The following SEMA3A variants were observed in gnomAD, a reference collection of about 807,000 sequenced individuals.
SEMA3A encodes the protein semaphorin-3A.
Under a neutral mutation model 97.9 loss-of-function variants are expected in SEMA3A, and 29 were observed. That is an observed-to-expected ratio of 0.30 (90% confidence interval 0.22 to 0.40). The LOEUF (loss-of-function observed/expected upper bound fraction) is 0.40. SEMA3A is among the 10% of genes least tolerant of loss of function. The probability of loss-of-function intolerance (pLI) is 1.00; values close to 1 mark genes in which losing one functional copy is unlikely to be tolerated. For synonymous variants in SEMA3A, 321 were observed against 323.7 expected, an observed-to-expected ratio of 0.99 and a Z score of 0.09; for missense variants, 763 against 951.3, an observed-to-expected ratio of 0.80 and a Z score of 2.60.
intron 6 of SEMA3A, among the ~76,000 whole-genome samples, chr7:84,033,978 TG>T (rs1463173933): frequency 7.3e-6 from 1 of 137,004 alleles, no homozygotes; most frequent in Non-Finnish European, 1.7e-5. Context: ...GGCAATTTTT[TG>T]TTTTTAATTT....
chr7:84,275,870 T>G (rs56808521), intron 3 of SEMA3A, among the ~76,000 whole-genome samples: 2 of 152,126 alleles, frequency 1.3e-5, no homozygotes, highest in Non-Finnish European at 2.9e-5. Flanking sequence ...TTTATTTTTA[T>G]GATATATAAA....
chr7:84,390,309 A>T (rs907844995), intron 1 of SEMA3A, among the ~76,000 whole-genome samples: 124 of 146,466 alleles, frequency 8.5e-4, no homozygotes, highest in African/African-American at 2.9e-3. Context: ...TTTTTTTTTT[A>T]ATTGAAAAAG....
intron 2 of SEMA3A, among the ~76,000 whole-genome samples, chr7:84,353,755 TG>T: frequency 6.6e-6 from 1 of 151,822 alleles, no homozygotes; most frequent in Admixed American, 6.6e-5. Context: ...TAGTATATTT[TG>T]GGGGGAGGAT....
chr7:83,999,438 TAATAAA>T lies in SEMA3A; in HGVS notation c.1452+2511_1452+2516del, dbSNP rs1244152926. 3.5e-4 allele frequency among the ~76,000 whole-genome samples: 53 copies of T among 150,946 alleles called. 1 individual carries two copies. Among genetic ancestry groups the T allele is most frequent in the African/African-American group, 1.3e-3 (52 of 41,214 alleles). ...TAATTCATATCAGAAAATAATTAAATAATAAAAACCTTATTTTTACAATGTCGTGAT... is the reference window on the plus strand; with the variant it reads ...TAATTCATATCAGAAAATAATTAAATAACCTTATTTTTACAATGTCGTGAT... On this transcript the variant is annotated intron_variant, in intron 12 of 16. Transcript: ENST00000265362.
chr7:84,192,689 T>C (rs1306285135), intron 1 of SEMA3A, among the ~76,000 whole-genome samples: 2 of 152,096 alleles, frequency 1.3e-5, no homozygotes, highest in South Asian at 4.1e-4. Context: ...CCTATTATCA[T>C]GGAAATAAAA....
At chr7:84,239,328 C>T (rs1799307785) in intron 3 of SEMA3A, among the ~76,000 whole-genome samples, 1 of 152,020 alleles carries the variant, frequency 6.6e-6, no homozygotes, top group African/African-American at 2.4e-5. Flanking sequence ...CAAGCAAAGG[C>T]TTTTGTTGAA....
At chr7:84,423,273 T>C (rs1231439451) in intron 1 of SEMA3A, among the ~76,000 whole-genome samples, 1 of 152,074 alleles carries the variant, frequency 6.6e-6, no homozygotes, top group African/African-American at 2.4e-5. Context: ...ACTAGGTTAA[T>C]GTTTGTAAGT....
chr7:84,266,263 G>A (rs1291520211), intron 3 of SEMA3A, among the ~76,000 whole-genome samples: 3 of 135,496 alleles, frequency 2.2e-5, no homozygotes, highest in African/African-American at 8.4e-5. Context: ...GGAGGTTGCA[G>A]TGAGTCAAGA....
intron 3 of SEMA3A, among the ~76,000 whole-genome samples, chr7:84,121,638 CTTTTT>C (rs35808952): frequency 7.8e-5 from 1 of 12,874 alleles, no homozygotes; most frequent in Non-Finnish European, 1.3e-4. Flanking sequence ...GGTTCCAAGT[CTTTTT>C]TTTTTTTTTT....
chr7:84,162,827 G>C (rs1797080687), intron 1 of SEMA3A, among the ~76,000 whole-genome samples: 1 of 152,104 alleles, frequency 6.6e-6, no homozygotes, highest in Admixed American at 6.6e-5. Context: ...GGCCCAAGGA[G>C]AGTAGAGAGG....
intron 3 of SEMA3A, among the ~76,000 whole-genome samples, chr7:84,285,970 C>CAAAA (rs564063430): frequency 1.1e-4 from 8 of 70,074 alleles, no homozygotes; most frequent in African/African-American, 3.6e-4. Context: ...GACCCCATCT[C>CAAAA]AAAAAAAAAA....
At chr7:84,030,987 G>GTTTTTTTTT (rs10615974) in intron 6 of SEMA3A, among the ~76,000 whole-genome samples, 4 of 95,022 alleles carry the variant, frequency 4.2e-5, no homozygotes, top group South Asian at 3.7e-4. Flanking sequence ...TTTTGGTCAA[G>GTTTTTTTTT]TTTTTTTTTT....
At chr7:84,095,372 T>C (rs1046345398) in intron 4 of SEMA3A, among the ~76,000 whole-genome samples, 125 of 142,470 alleles carry the variant, frequency 8.8e-4, no homozygotes, top group African/African-American at 3.0e-3. Flanking sequence ...TATATATATA[T>C]ATATATATAT....
intron 12 of SEMA3A, among the ~76,000 whole-genome samples, chr7:83,988,642 G>A (rs1789742465): frequency 6.6e-6 from 1 of 151,680 alleles, no homozygotes; most frequent in Non-Finnish European, 1.5e-5. Context: ...TTAATGTAAT[G>A]GTATAATTTA....
intron 3 of SEMA3A, among the ~76,000 whole-genome samples, chr7:84,247,542 T>G (rs1799503754): frequency 6.6e-6 from 1 of 152,194 alleles, no homozygotes; most frequent in Non-Finnish European, 1.5e-5. Flanking sequence ...TAAGAAGGGT[T>G]AAGCCAATAA....
chr7:84,043,706 C>T (rs1792232891), intron 6 of SEMA3A, among the ~76,000 whole-genome samples: 1 of 152,072 alleles, frequency 6.6e-6, no homozygotes, highest in Admixed American at 6.6e-5. Context: ...CCAAACATAT[C>T]TGTATCTTCC....
At chr7:84,201,569 A>T (rs1368879579) in intron 3 of SEMA3A, among the ~76,000 whole-genome samples, 1 of 152,108 alleles carries the variant, frequency 6.6e-6, no homozygotes, top group Non-Finnish European at 1.5e-5. Flanking sequence ...TGGCTACAAA[A>T]GCAGCTGTCA....
At chr7:84,386,714 G>T (rs1282147764) in intron 1 of SEMA3A, among the ~76,000 whole-genome samples, 3 of 152,028 alleles carry the variant, frequency 2.0e-5, no homozygotes, top group Admixed American at 1.3e-4. Context: ...AAGAGTGCAG[G>T]TTCTTTTATA....
chr7:84,358,759 C>T (rs1802635433), intron 2 of SEMA3A, among the ~76,000 whole-genome samples: 1 of 152,122 alleles, frequency 6.6e-6, no homozygotes, highest in Non-Finnish European at 1.5e-5. Flanking sequence ...TTGATTCTTC[C>T]TATCCATGAG....
Sources: allele counts gnomAD v4.1 joint callset (sites outside exome capture counted in the v4.1 genomes callset), GRCh38; gene constraint gnomAD v4.1.1; transcripts MANE v1.5; gene names NCBI Gene and HGNC (gene_info 2026-07-23, HGNC 2026-07-21).